The following RBKS variants were observed in gnomAD, a reference collection of about 807,000 sequenced individuals.
RBKS encodes ribokinase.
In RBKS, 33 loss-of-function variants were observed where a neutral mutation model predicts 33.9. The ratio of observed to expected loss-of-function variants is 0.97; its 90% confidence interval spans 0.74 to 1.30. The LOEUF is 1.30. Ranked by LOEUF, RBKS falls within the 50% of genes most tolerant of loss-of-function variation. RBKS has a pLI of 0.00. For synonymous variants in RBKS, 125 were observed against 143.0 expected, an observed-to-expected ratio of 0.87 and a Z score of 0.90; for missense variants, 361 against 392.6, an observed-to-expected ratio of 0.92 and a Z score of 0.68.
At chr2:27,859,123 G>A (rs996692382) in intron 1 of RBKS, among the ~76,000 whole-genome samples, 1 of 152,112 alleles carries the variant, frequency 6.6e-6, no homozygotes, top group Non-Finnish European at 1.5e-5. Context: ...GGTGTTCAGA[G>A]AGCAGGATCA....
intron 1 of RBKS, among the ~76,000 whole-genome samples, chr2:27,859,838 AAGTCAGTATC>A (rs1663936468): frequency 1.3e-5 from 2 of 152,232 alleles, no homozygotes; most frequent in African/African-American, 4.8e-5. Context: ...GATCTATCTG[AAGTCAGTATC>A]TTATATTAGA....
At chr2:27,861,707 A>G (rs1474652579) in intron 1 of RBKS, among the ~76,000 whole-genome samples, 1 of 147,948 alleles carries the variant, frequency 6.8e-6, no homozygotes, top group Non-Finnish European at 1.5e-5. Flanking sequence ...GCTGGAATGC[A>G]GTGGTGTTAT....
At chr2:27,880,077 T>C (rs921324415) in intron 1 of RBKS, among the ~76,000 whole-genome samples, 5 of 152,306 alleles carry the variant, frequency 3.3e-5, no homozygotes, top group East Asian at 3.9e-4. Flanking sequence ...GAATCCACCA[T>C]GATCAAGTAG....
At chr2:27,819,628 G>T (rs1378605260) in intron 7 of RBKS, among the ~76,000 whole-genome samples, 1 of 152,186 alleles carries the variant, frequency 6.6e-6, no homozygotes, top group Non-Finnish European at 1.5e-5. Flanking sequence ...AAGCAATGTG[G>T]CAAAAGCCAG....
chr2:27,845,032 G>C (rs1047662746), intron 4 of RBKS, among the ~76,000 whole-genome samples: 1 of 152,196 alleles, frequency 6.6e-6, no homozygotes, highest in Non-Finnish European at 1.5e-5. Context: ...AAGTGGGGAT[G>C]GTTCAGCATA....
chr2:27,848,770 G>C (rs777266327), intron 2 of RBKS, among the ~76,000 whole-genome samples: 23 of 151,742 alleles, frequency 1.5e-4, no homozygotes, highest in African/African-American at 4.4e-4. Context: ...TGAACCCGGA[G>C]GTGGAGGTTG....
chr2:27,860,695 A>G (rs940675640), intron 1 of RBKS, among the ~76,000 whole-genome samples: 2 of 152,204 alleles, frequency 1.3e-5, no homozygotes, highest in African/African-American at 4.8e-5. Context: ...AACAACTTCT[A>G]TTAACACAAG....
chr2:27,843,567 TA>T (rs1663558910), intron 4 of RBKS, among the ~76,000 whole-genome samples: 1 of 152,194 alleles, frequency 6.6e-6, no homozygotes, highest in Non-Finnish European at 1.5e-5. Flanking sequence ...ATGTATGCGG[TA>T]AAGGTTCTGA....
At chr2:27,783,805 G>C (rs1297071953) in intron 7 of RBKS, among the ~76,000 whole-genome samples, 1 of 150,364 alleles carries the variant, frequency 6.7e-6, no homozygotes. Context: ...TACTTGGGAG[G>C]CTGAGGCAGG....
intron 2 of RBKS, among the ~76,000 whole-genome samples, chr2:27,856,964 CA>C (rs1440561040): frequency 6.6e-6 from 1 of 152,150 alleles, no homozygotes; most frequent in African/African-American, 2.4e-5. Context: ...TTAAATCTAT[CA>C]AGAGCTCAAT....
intron 1 of RBKS, among the ~76,000 whole-genome samples, chr2:27,866,986 C>T (rs890679467): frequency 4.0e-5 from 6 of 151,550 alleles, no homozygotes; most frequent in East Asian, 3.9e-4. Flanking sequence ...CACCTGTGGT[C>T]GCAGCTACTT....
intron 1 of RBKS, among the ~76,000 whole-genome samples, chr2:27,865,499 C>T (rs1664082367): frequency 6.7e-6 from 1 of 148,488 alleles, no homozygotes; most frequent in South Asian, 2.1e-4. Context: ...TTCCTGCTTT[C>T]TTTTGGATTA....
In RBKS at chr2:27,890,301, C is replaced by A. The variant is rs780801527; in HGVS notation, c.45G>T (p.Val15=). ...AGGAGCCCACCACTACCACCGCCGCCACCTCCTCTTGCCACTGCCTCTGGG... is the reference window on the plus strand; with the variant it reads ...AGGAGCCCACCACTACCACCGCCGCAACCTCCTCTTGCCACTGCCTCTGGG... ...GEPQRQWQEE[V]AAVVVVGSCM... The change falls in exon 1 of 8, where the codon GTG becomes GTT. Residue 15 remains valine, a synonymous_variant. Coordinates refer to ENST00000302188, the MANE Select transcript of RBKS (RefSeq NM_022128.3). This position sits in a 1 kb window ranked among gnomAD's most constrained non-coding sequence, Gnocchi z 4.8. 5.0e-6 allele frequency: 8 copies of A among 1,613,922 alleles called. No individual in the cohort carries two copies. The South Asian group carries it at 8.8e-5, about 18-fold the overall frequency.
chr2:27,872,254 G>GT (rs1186271382), intron 1 of RBKS, among the ~76,000 whole-genome samples: 4 of 152,054 alleles, frequency 2.6e-5, no homozygotes, highest in Non-Finnish European at 5.9e-5. Flanking sequence ...TTATTGTAAC[G>GT]TAACACATTT....
chr2:27,877,726 T>C (rs958602353), intron 1 of RBKS, among the ~76,000 whole-genome samples: 8 of 152,074 alleles, frequency 5.3e-5, no homozygotes, highest in African/African-American at 1.9e-4. Flanking sequence ...AGTGAATGCT[T>C]GATTCATGCC....
chr2:27,880,031 A>T (rs535493833), intron 1 of RBKS, among the ~76,000 whole-genome samples: 7 of 151,972 alleles, frequency 4.6e-5, no homozygotes, highest in Admixed American at 1.3e-4. Context: ...GGCAAAAGAA[A>T]AAAAGAAAAT....
At chr2:27,841,087 G>A (rs1663487785) in intron 5 of RBKS, among the ~76,000 whole-genome samples, 1 of 152,114 alleles carries the variant, frequency 6.6e-6, no homozygotes, top group South Asian at 2.1e-4. Context: ...CCCGCTTCCT[G>A]CTGTCCTGGG....
At chr2:27,864,265 C>G (rs922713141) in intron 1 of RBKS, among the ~76,000 whole-genome samples, 17 of 152,232 alleles carry the variant, frequency 1.1e-4, no homozygotes, top group Admixed American at 5.9e-4. Context: ...TCAAGCAATC[C>G]TCCCACCTTG....
At chr2:27,784,822 C>T (rs1677368454) in intron 7 of RBKS, among the ~76,000 whole-genome samples, 1 of 152,140 alleles carries the variant, frequency 6.6e-6, no homozygotes, top group African/African-American at 2.4e-5. Flanking sequence ...ATGTGTTAGG[C>T]CCTATGCTAG....
Sources: gnomAD v4.1 joint callset for allele counts (sites outside exome capture counted in the v4.1 genomes callset) on GRCh38, gnomAD v4.1.1 for gene constraint, Gnocchi (gnomAD v3.1) non-coding constraint, MANE v1.5 for transcripts, NCBI Gene and HGNC (gene_info 2026-07-23, HGNC 2026-07-21) for gene names.